Variants in TTC29 observed in about 807,000 individuals in gnomAD.
The protein encoded by TTC29 is tetratricopeptide repeat domain 29.
TTC29 carries 49 observed loss-of-function variants against 58.1 expected under a neutral mutation model. The observed-to-expected ratio is 0.84, with a 90% CI of 0.67 to 1.07. The LOEUF (loss-of-function observed/expected upper bound fraction) is 1.07, where lower values mean the gene tolerates loss of function less well. Ranked by LOEUF, TTC29 falls within the 50% of genes least tolerant of loss-of-function variation. The pLI, the probability that TTC29 is intolerant of heterozygous loss-of-function variation, is 0.00. For missense variants in TTC29, 582 were observed against 555.6 expected (o/e 1.05, Z -0.48); for synonymous variants, 209 against 196.8 (o/e 1.06, Z -0.52).
At chr4:146,730,541 G>A (rs2150020182) in intron 11 of TTC29, among the ~76,000 whole-genome samples, 1 of 152,262 alleles carries the variant, frequency 6.6e-6, no homozygotes, top group African/African-American at 2.4e-5. Context: ...ATTGAGCCAT[G>A]GGTCACTTTA....
chr4:146,746,794 G>C (rs780684950), intron 11 of TTC29, among the ~76,000 whole-genome samples: 2 of 152,148 alleles, frequency 1.3e-5, no homozygotes, highest in Non-Finnish European at 2.9e-5. Flanking sequence ...TTCTGGGAGA[G>C]TGATGTCAGT....
At chr4:146,854,159 G>A (rs926647065) in intron 8 of TTC29, among the ~76,000 whole-genome samples, 2 of 151,916 alleles carry the variant, frequency 1.3e-5, no homozygotes, top group African/African-American at 4.8e-5. Flanking sequence ...TCCTTCTTTT[G>A]CCTGACTCCC....
intron 11 of TTC29, among the ~76,000 whole-genome samples, chr4:146,783,675 A>T (rs75231019): frequency 6.6e-6 from 1 of 152,268 alleles, no homozygotes; most frequent in Non-Finnish European, 1.5e-5. Context: ...CAACTGAGAA[A>T]GGAGCTAAGT....
At chr4:146,744,995 T>C (rs1745438297) in intron 11 of TTC29, among the ~76,000 whole-genome samples, 1 of 152,226 alleles carries the variant, frequency 6.6e-6, no homozygotes, top group African/African-American at 2.4e-5. Flanking sequence ...CTGTCATTCA[T>C]CATCAATAGT....
At chr4:146,891,423 AGTGATGGT>A (rs1202517830) in intron 6 of TTC29, among the ~76,000 whole-genome samples, 3 of 152,204 alleles carry the variant, frequency 2.0e-5, no homozygotes, top group Non-Finnish European at 4.4e-5. Flanking sequence ...GCCAATAATT[AGTGATGGT>A]GTTTACTTCT....
At chr4:146,897,539 C>T (rs1390959991) in intron 6 of TTC29, among the ~76,000 whole-genome samples, 1 of 152,190 alleles carries the variant, frequency 6.6e-6, no homozygotes. Flanking sequence ...CTGCCACCCC[C>T]TGCTGATCAT....
intron 10 of TTC29, among the ~76,000 whole-genome samples, chr4:146,808,065 G>T (rs562067667): frequency 6.6e-6 from 1 of 152,176 alleles, no homozygotes; most frequent in South Asian, 2.1e-4. Flanking sequence ...TTCATTCCTG[G>T]GATGCAAAGC....
At position 146,799,568 on chromosome 4, in the gene TTC29, G is replaced by A. The variant is rs550640653; in HGVS notation, c.1330+3889C>T. ...TGATGCATAAAACTACGATGATATC[G>A]TTGCCAGTCAAGGAAACCTTTACAT... On this transcript the variant is annotated intron_variant, in intron 11 of 12. Coordinates refer to ENST00000325106, the MANE Select transcript of TTC29 (RefSeq NM_031956.4). 5.9e-4 allele frequency among the ~76,000 whole-genome samples: 90 copies of A among 152,212 alleles called. 2 individuals carry two copies. In the South Asian group the frequency reaches 0.017, roughly 29 times the overall value.
intron 11 of TTC29, among the ~76,000 whole-genome samples, chr4:146,782,980 C>T (rs957082183): frequency 6.6e-6 from 1 of 152,008 alleles, no homozygotes; most frequent in African/African-American, 2.4e-5. Context: ...AGTTCAGCAT[C>T]AAAAGCAGTT....
intron 11 of TTC29, among the ~76,000 whole-genome samples, chr4:146,783,881 T>G (rs10002899): frequency 6.6e-6 from 1 of 151,990 alleles, no homozygotes; most frequent in Non-Finnish European, 1.5e-5. Context: ...AACTATGGGA[T>G]CCACAGATTA....
intron 9 of TTC29, among the ~76,000 whole-genome samples, chr4:146,830,489 C>G (rs2150153632): frequency 6.6e-6 from 1 of 152,300 alleles, no homozygotes; most frequent in South Asian, 2.1e-4. Flanking sequence ...TAGACACACA[C>G]TTATCCTAGA....
chr4:146,714,825 C>T (rs892319675), intron 11 of TTC29, among the ~76,000 whole-genome samples: 8 of 151,974 alleles, frequency 5.3e-5, no homozygotes, highest in Admixed American at 4.6e-4. Flanking sequence ...TGCATGACAA[C>T]GTTGCACAAA....
chr4:146,863,660 C>T (rs1016508622), intron 8 of TTC29, among the ~76,000 whole-genome samples: 3 of 152,068 alleles, frequency 2.0e-5, no homozygotes, highest in Non-Finnish European at 2.9e-5. Flanking sequence ...TACTGGCTGC[C>T]GTGATTATAG....
chr4:146,792,433 C>A (rs1579684523), intron 11 of TTC29, among the ~76,000 whole-genome samples: 2 of 152,238 alleles, frequency 1.3e-5, no homozygotes, highest in African/African-American at 4.8e-5. Flanking sequence ...ACCATTGAGA[C>A]CTACTGCTTA....
intron 11 of TTC29, among the ~76,000 whole-genome samples, chr4:146,763,448 G>C (rs1005881712): frequency 6.6e-6 from 1 of 151,984 alleles, no homozygotes; most frequent in Non-Finnish European, 1.5e-5. Context: ...AGGCCTCCCA[G>C]CTCTACCAGA....
chr4:146,781,433 G>A (rs376243133), intron 11 of TTC29, among the ~76,000 whole-genome samples: 4 of 151,886 alleles, frequency 2.6e-5, no homozygotes, highest in Admixed American at 6.6e-5. Context: ...TTGAAATCAC[G>A]ATGAAAATAT....
chr4:146,733,677 CTT>C (rs1386651280), intron 11 of TTC29, among the ~76,000 whole-genome samples: 3 of 152,084 alleles, frequency 2.0e-5, no homozygotes, highest in South Asian at 2.1e-4. Context: ...CAAAATGTCT[CTT>C]TGAGTGGCTT....
At chr4:146,759,707 C>T (rs925475647) in intron 11 of TTC29, among the ~76,000 whole-genome samples, 1 of 151,980 alleles carries the variant, frequency 6.6e-6, no homozygotes. Context: ...TCAATAGATG[C>T]AGAAAAAGCA....
intron 11 of TTC29, among the ~76,000 whole-genome samples, chr4:146,733,582 G>A (rs964825581): frequency 2.0e-5 from 3 of 151,976 alleles, no homozygotes; most frequent in Admixed American, 1.3e-4. Flanking sequence ...CCTACTTTAT[G>A]TTAGTGTGTT....
Sources: allele counts gnomAD v4.1 joint callset (sites outside exome capture counted in the v4.1 genomes callset), GRCh38; gene constraint gnomAD v4.1.1; transcripts MANE v1.5; gene names NCBI Gene and HGNC (gene_info 2026-07-23, HGNC 2026-07-21).